TGFBR3: variants seen among roughly 807,000 people sequenced by gnomAD.
TGFBR3 encodes the protein transforming growth factor beta receptor 3.
TGFBR3 carries 46 observed loss-of-function variants against 87.9 expected under a neutral mutation model. The ratio of observed to expected loss-of-function variants is 0.52; its 90% confidence interval spans 0.41 to 0.67. TGFBR3 has a LOEUF of 0.67. TGFBR3 is among the 30% of genes least tolerant of loss of function. The pLI, the probability that TGFBR3 is intolerant of heterozygous loss-of-function variation, is 0.00. For missense variants in TGFBR3, 866 were observed against 1,041.9 expected, an observed-to-expected ratio of 0.83 and a Z score of 2.32; for synonymous variants, 381 against 391.6, an observed-to-expected ratio of 0.97 and a Z score of 0.32.
At chr1:91,717,883 T>A (rs1303410478) in intron 10 of TGFBR3, among the ~76,000 whole-genome samples, 1 of 151,896 alleles carries the variant, frequency 6.6e-6, no homozygotes, top group Non-Finnish European at 1.5e-5. Flanking sequence ...ACTTTTTTTT[T>A]TTTTTATTTT....
intron 2 of TGFBR3, among the ~76,000 whole-genome samples, chr1:91,828,895 T>C (rs907451024): frequency 1.9e-4 from 29 of 152,074 alleles, no homozygotes; most frequent in African/African-American, 6.8e-4. Context: ...CTCAATGCAG[T>C]GAGTGGGTGT....
intron 15 of TGFBR3, among the ~76,000 whole-genome samples, chr1:91,696,506 A>G (rs761705958): frequency 2.2e-4 from 34 of 152,356 alleles, no homozygotes; most frequent in Non-Finnish European, 1.2e-4. Flanking sequence ...AGCAAAACAT[A>G]TAAATAGAAC....
intron 4 of TGFBR3, among the ~76,000 whole-genome samples, chr1:91,744,934 A>C (rs1488763230): frequency 1.3e-5 from 2 of 152,162 alleles, no homozygotes; most frequent in Non-Finnish European, 2.9e-5. Context: ...GTGAAATAAG[A>C]GAAACCATAG....
At chr1:91,729,296 A>T (rs1023467921) in intron 6 of TGFBR3, among the ~76,000 whole-genome samples, 1 of 149,928 alleles carries the variant, frequency 6.7e-6, no homozygotes, top group African/African-American at 2.4e-5. Flanking sequence ...ACACACACAC[A>T]CACACACACA....
At chr1:91,726,749 A>C (rs1672561828) in intron 7 of TGFBR3, among the ~76,000 whole-genome samples, 1 of 130,570 alleles carries the variant, frequency 7.7e-6, no homozygotes, top group Admixed American at 9.3e-5. Flanking sequence ...CATAAAACCC[A>C]CTTCAGCTTA....
intron 5 of TGFBR3, among the ~76,000 whole-genome samples, chr1:91,731,945 G>C (rs1672790208): frequency 6.6e-6 from 1 of 152,086 alleles, no homozygotes; most frequent in African/African-American, 2.4e-5. Context: ...TGTTGTGTGT[G>C]GTTTCTCCCC....
At chr1:91,890,697 C>T (rs1476208317), upstream of TGFBR3, among the ~76,000 whole-genome samples, 1 of 151,728 alleles carries the variant, frequency 6.6e-6, no homozygotes, top group East Asian at 2.0e-4. Flanking sequence ...GGATTACAGG[C>T]ATGAGCTACT....
rs12039411 is a variant in TGFBR3, at chr1:91,771,204, G to A, written c.247-12454C>T. Among the ~76,000 whole-genome samples the A allele has an allele frequency of 3.0e-4, 46 of 152,168 alleles. No homozygotes were observed. In the East Asian group the frequency reaches 5.8e-3, roughly 19 times the overall value. ...AAGAGGTTCTCATGTTATGTTTTGC[G>A]CATTTACTATTCATTCCTCAGAAAC... On this transcript the variant is annotated intron_variant, in intron 3 of 16. Coordinates refer to ENST00000212355, the MANE Select transcript of TGFBR3 (RefSeq NM_003243.5).
chr1:91,814,325 C>A (rs982882113), intron 2 of TGFBR3, among the ~76,000 whole-genome samples: 1 of 152,080 alleles, frequency 6.6e-6, no homozygotes, highest in African/African-American at 2.4e-5. Context: ...GAAATGAAAT[C>A]GTTTCTTTGC....
chr1:91,853,658 A>T (rs546660043), intron 2 of TGFBR3, among the ~76,000 whole-genome samples: 1 of 152,210 alleles, frequency 6.6e-6, no homozygotes, highest in East Asian at 1.9e-4. Context: ...GCTCAGAGAA[A>T]TAAGCCAGGC....
At chr1:91,725,471 T>C (rs769958289) in intron 7 of TGFBR3, among the ~76,000 whole-genome samples, 4 of 152,200 alleles carry the variant, frequency 2.6e-5, no homozygotes, top group Non-Finnish European at 5.9e-5. Context: ...TTCCAAAATA[T>C]AAGGAGATAG....
At chr1:91,759,637 G>A (rs750919255) in intron 3 of TGFBR3, among the ~76,000 whole-genome samples, 5 of 152,186 alleles carry the variant, frequency 3.3e-5, no homozygotes, top group Admixed American at 1.3e-4. Flanking sequence ...CTTTCATACA[G>A]TCTGTCTCAT....
At position 91,716,453 on chromosome 1, in the gene TGFBR3, T is replaced by C. The variant is rs1672175529; in HGVS notation, c.1708-59A>G. 3.1e-6 allele frequency: 5 copies of C among 1,613,728 alleles called. 1 individual carries two copies. Among genetic ancestry groups the C allele is most frequent in the Middle Eastern group, 1.7e-4 (1 of 6,046 alleles). ...AGTCATATGAAGGATGAAGGCCCTG[T>C]AGCTTCATGAGCTTTGGCTTTTAAC... On this transcript the variant is annotated intron_variant, in intron 11 of 16. Coordinates refer to ENST00000212355, the MANE Select transcript of TGFBR3 (RefSeq NM_003243.5).
chr1:91,740,375 T>C (rs1673121350), intron 4 of TGFBR3, among the ~76,000 whole-genome samples: 1 of 149,590 alleles, frequency 6.7e-6, no homozygotes, highest in Non-Finnish European at 1.5e-5. Flanking sequence ...ACAATTTTTT[T>C]TTTTTTTTAG....
chr1:91,799,535 C>G (rs931776450), intron 2 of TGFBR3, among the ~76,000 whole-genome samples: 2 of 152,198 alleles, frequency 1.3e-5, no homozygotes, highest in Non-Finnish European at 2.9e-5. Context: ...TTATCCTACT[C>G]CTACTCAATT....
At chr1:91,872,076 G>C (rs962914658) in intron 1 of TGFBR3, among the ~76,000 whole-genome samples, 8 of 152,190 alleles carry the variant, frequency 5.3e-5, no homozygotes, top group Non-Finnish European at 1.0e-4. Context: ...CAGGGTGAAT[G>C]ACACTGCAGG....
chr1:91,682,651 A>G lies in TGFBR3; in HGVS notation c.*1088T>C. ...CAACTGGAGACCGACAGGATTTGCC[A>G]TGCATTTGCATCTTGCTACAGTTTG... On this transcript the variant is annotated 3_prime_UTR_variant, in exon 17 of 17. Transcript: ENST00000212355. 1 of 454,044 alleles carries G rather than the reference A, an allele frequency of 2.2e-6. No individual in the cohort carries two copies. The highest frequency in any genetic ancestry group is 4.4e-6 in the Non-Finnish European group (1 of 226,766). The allele number at this position is 454,044 out of a possible 1,614,324, so 28.1% of individuals were successfully genotyped here.
chr1:91,683,095 T>A lies in TGFBR3; in HGVS notation c.*644A>T. On this transcript the variant is annotated 3_prime_UTR_variant, in exon 17 of 17. Transcript: ENST00000212355. ...GCTGATAAGGTCATCAGCATTGGTT[T>A]TGGCCCAGGGCACAAGAAAGGAATG... The A allele has an allele frequency of 2.2e-6, 1 of 454,512 alleles. No homozygotes were observed. 28.2% of individuals were successfully genotyped at this position (454,512 alleles called of 1,614,324 possible).
intron 4 of TGFBR3, among the ~76,000 whole-genome samples, chr1:91,756,910 A>G (rs568266524): frequency 3.7e-4 from 57 of 152,332 alleles, no homozygotes; most frequent in African/African-American, 1.3e-3. Flanking sequence ...TTAATCTTAA[A>G]GAGTATTAAG....
Sources: allele counts gnomAD v4.1 joint callset (sites outside exome capture counted in the v4.1 genomes callset), GRCh38; gene constraint gnomAD v4.1.1; transcripts MANE v1.5; gene names NCBI Gene and HGNC (gene_info 2026-07-23, HGNC 2026-07-21).